ARSD: variants seen among roughly 807,000 people sequenced by gnomAD.
ARSD encodes testis tissue sperm-binding protein Li 39a.
In ARSD, 21 loss-of-function variants were observed where a neutral mutation model predicts 32.6. That is an observed-to-expected ratio of 0.64 (90% CI 0.46 to 0.93). ARSD has a LOEUF of 0.93. ARSD is among the 40% of genes least tolerant of loss of function. The pLI is 0.00. For synonymous variants in ARSD, 224 were observed against 237.4 expected, an observed-to-expected ratio of 0.94 and a Z score of 0.52; for missense variants, 454 against 520.9, an observed-to-expected ratio of 0.87 and a Z score of 1.25.
chrX:2,929,176 TC>T, intron 1 of ARSD, 55 bp downstream of exon 1: 1 of 980,283 alleles, frequency 1.0e-6, no homozygotes, highest in Non-Finnish European at 1.3e-6. Flanking sequence ...CGCGACCCCC[TC>T]CCCAGGCCCC....
At chrX:2,929,167 G>C (rs1341841014) in intron 1 of ARSD, 65 bp downstream of exon 1, 5 of 972,725 alleles carry the variant, frequency 5.1e-6, no homozygotes, top group Non-Finnish European at 3.9e-6. Flanking sequence ...CGCCGTGCTC[G>C]CGACCCCCTC....
intron 6 of ARSD, chrX:2,914,389 T>C: frequency 2.4e-6 from 1 of 410,433 alleles, no homozygotes; most frequent in South Asian, 5.9e-5. Flanking sequence ...CACACCACCA[T>C]GGCTAATTTT....
intron 9 of ARSD, among the ~76,000 whole-genome samples, 200 bp downstream of exon 9, chrX:2,908,515 ATCTCTC>A (rs1179965862): frequency 1.2e-5 from 1 of 80,641 alleles, no homozygotes; most frequent in Non-Finnish European, 2.4e-5. Flanking sequence ...TGTCTCTATC[ATCTCTC>A]TCTCTCTCTC....
chrX:2,907,437 G>T lies in ARSD; in HGVS notation c.1616C>A (p.Ala539Asp), dbSNP rs201828808. Residue 539 changes from alanine (A) to aspartate (D), a missense_variant, in exon 10 of 10, where the codon GCC becomes GAC. Around this residue, in one of 3 missense-constraint regions of ARSD, gnomAD observed 179 missense variants for 198.5 expected, o/e 0.90. Transcript: ENST00000381154. ...CGCGGCACCTACCCTTGCTATCACG[G>T]CGTGGTACAGGGGCTCGGAGTCGGG... ...LTPDSEPLYH[A>D]VIARVGAAVS... 6.6e-5 allele frequency: 80 copies of T among 1,210,336 alleles called. No individual in the cohort carries two copies. In the East Asian group the frequency reaches 1.6e-3, roughly 24 times the overall value.
intron 5 of ARSD, among the ~76,000 whole-genome samples, chrX:2,915,992 C>T (rs986847540): frequency 4.1e-4 from 44 of 108,463 alleles, no homozygotes; most frequent in African/African-American, 9.1e-4. Flanking sequence ...ATTAGCTGGG[C>T]GTGGTGGCTT....
At chrX:2,908,609 CCCAT>C (rs996333658) in intron 9 of ARSD, 108 bp downstream of exon 9, 199 of 780,930 alleles carry the variant, frequency 2.5e-4, no homozygotes, top group Middle Eastern at 3.2e-4. Flanking sequence ...TGTCCATCCA[CCCAT>C]CCATCCATCC....
intron 1 of ARSD, among the ~76,000 whole-genome samples, chrX:2,926,370 C>A (rs2089082643): frequency 8.9e-6 from 1 of 111,803 alleles, no homozygotes; most frequent in Non-Finnish European, 1.9e-5. Context: ...CTTGTTTAAT[C>A]CTAAATGGGT....
At position 2,917,894 on chromosome X, in the gene ARSD, A is replaced by G. The variant is rs756337460; in HGVS notation, c.773T>C (p.Leu258Pro). 8.2e-7 allele frequency: 1 copy of G among 1,212,168 alleles called. No homozygotes were observed. The highest frequency in any genetic ancestry group is 1.1e-6 in the Non-Finnish European group (1 of 895,466). Residue 258 changes from leucine to proline, a missense_variant, in exon 5 of 10, where the codon CTG (leucine) becomes CCG (proline). Physicochemically the swap from Leu to Pro is moderately conservative, Grantham distance 98. This residue lies in a region of ARSD where 271 missense variants were observed against 301.0 expected (regional missense o/e 0.90). Coordinates refer to ENST00000381154, the MANE Select transcript of ARSD (RefSeq NM_001669.4). Reference sequence around the variant, plus strand: ...CTCCGTGACGTCATGGTTTCTCATCAGGATACAGTTCCAGCGTCGCACAAA... The same window carrying G: ...CTCCGTGACGTCATGGTTTCTCATCGGGATACAGTTCCAGCGTCGCACAAA... ...FGFVRRWNCI[L>P]MRNHDVTEQP...
At chrX:2,921,149 A>G (rs2089025017) in intron 3 of ARSD, among the ~76,000 whole-genome samples, 2 of 110,488 alleles carry the variant, frequency 1.8e-5, no homozygotes, top group Non-Finnish European at 3.8e-5. Flanking sequence ...GAGACACCCC[A>G]CCTTAGGATG....
chrX:2,918,870 C>G (rs2089002312), intron 4 of ARSD, among the ~76,000 whole-genome samples: 1 of 112,054 alleles, frequency 8.9e-6, no homozygotes. Context: ...TCCCAGCACT[C>G]TGGGAGGCCA....
At position 2,918,667 on chromosome X, in the gene ARSD, G is replaced by A. The variant is rs866404292; in HGVS notation, c.440-440C>T. Among the ~76,000 whole-genome samples the A allele has an allele frequency of 3.4e-4, 38 of 111,478 alleles. 1 individual carries two copies. Among genetic ancestry groups the A allele is most frequent in the Middle Eastern group, 4.6e-3 (1 of 217 alleles). Reference sequence around the variant, plus strand: ...AGGCAGGAGAATGGCGTGAACCTGGGAGGCGGAGCTTACAGTGAGCCGAGA... The same window carrying A: ...AGGCAGGAGAATGGCGTGAACCTGGAAGGCGGAGCTTACAGTGAGCCGAGA... On this transcript the variant is annotated intron_variant, in intron 4 of 9. Transcript: ENST00000381154.
intron 2 of ARSD, chrX:2,923,228 C>T (rs1025061232): frequency 8.1e-6 from 2 of 246,214 alleles, no homozygotes; most frequent in Non-Finnish European, 1.6e-5. Context: ...CATCCCAGCA[C>T]TTTGGGGGGC....
chrX:2,924,010 G>C (rs2089056710), intron 2 of ARSD, among the ~76,000 whole-genome samples: 1 of 112,300 alleles, frequency 8.9e-6, no homozygotes, highest in African/African-American at 3.2e-5. Context: ...TTCGAAAGGG[G>C]ATCCCTGGAC....
chrX:2,912,787 T>C (rs1295953912), intron 6 of ARSD, among the ~76,000 whole-genome samples: 1 of 111,660 alleles, frequency 9.0e-6, no homozygotes, highest in East Asian at 2.8e-4. Context: ...TCTATGGGCA[T>C]TGGCGTATTG....
chrX:2,923,352 T>C (rs765675020), intron 2 of ARSD: 25 of 190,340 alleles, frequency 1.3e-4, no homozygotes, highest in Admixed American at 6.0e-5. Context: ...CATGTGCCTG[T>C]AGTCTCAGCT....
At chrX:2,919,437 A>C (rs1306963994) in intron 4 of ARSD, among the ~76,000 whole-genome samples, 2 of 107,301 alleles carry the variant, frequency 1.9e-5, no homozygotes, top group Non-Finnish European at 3.8e-5. Context: ...TAAGGAATGA[A>C]GGAGGTAACC....
At position 2,925,710 on chromosome X, in the gene ARSD, T is replaced by A; in HGVS notation, c.100A>T (p.Lys34Ter). Residue 34 changes from lysine to a stop codon, truncating the protein, a stop_gained, in exon 2 of 10, where the codon AAA (lysine) becomes TAA (stop). Coordinates refer to ENST00000381154, the MANE Select transcript of ARSD (RefSeq NM_001669.4). LOFTEE classifies it high-confidence loss of function. ...TTTGGTTTAAAGGCATTTGCAGTTT[T>A]AGGTTCACACGTCTTCAGAAGCAAG... ...LCLLLKTCEP[K>*]TANAFKPNIL... 1 of 1,210,820 alleles carries A rather than the reference T, an allele frequency of 8.3e-7. No individual in the cohort carries two copies. The highest frequency in any genetic ancestry group is 1.8e-5 in the South Asian group (1 of 56,879).
intron 1 of ARSD, among the ~76,000 whole-genome samples, chrX:2,927,162 T>C (rs181064073): frequency 0.011 from 1,206 of 110,162 alleles, 22 homozygotes; most frequent in African/African-American, 0.038. Context: ...GGCAGGAGAA[T>C]AGGGTCTGGA....
At chrX:2,929,032 C>G (rs1337892841) in intron 1 of ARSD, among the ~76,000 whole-genome samples, 200 bp downstream of exon 1, 12 of 112,432 alleles carry the variant, frequency 1.1e-4, no homozygotes, top group Non-Finnish European at 2.3e-4. Context: ...CCCCCCATCC[C>G]TGGGCTCTGC....
Sources: allele counts gnomAD v4.1 joint callset (sites outside exome capture counted in the v4.1 genomes callset), GRCh38; gene constraint gnomAD v4.1.1; regional missense constraint gnomAD v4.1.1; transcripts MANE v1.5; gene names NCBI Gene and HGNC (gene_info 2026-07-23, HGNC 2026-07-21).